Variants in FOXP2 observed in about 807,000 individuals in gnomAD.
FOXP2 encodes forkhead box protein P2.
A neutral mutation model predicts 115.8 loss-of-function variants in FOXP2; 12 were observed. The ratio of observed to expected loss-of-function variants is 0.10; its 90% CI spans 0.07 to 0.17. The LOEUF is 0.17. Ranked by LOEUF, FOXP2 falls within the 10% of genes least tolerant of loss-of-function variation. The pLI, the probability that FOXP2 is intolerant of heterozygous loss-of-function variation, is 1.00. For missense variants in FOXP2, 629 were observed against 843.5 expected, an observed-to-expected ratio of 0.75 and a Z score of 3.15; for synonymous variants, 328 against 297.7, an observed-to-expected ratio of 1.10 and a Z score of -1.05.
chr7:114,087,557 C>G (rs1271954841), upstream of FOXP2, among the ~76,000 whole-genome samples: 1 of 151,052 alleles, frequency 6.6e-6, no homozygotes, highest in Non-Finnish European at 1.5e-5. Flanking sequence ...ACAGTGGCCC[C>G]GGCGGGCAGG....
intron 2 of FOXP2, among the ~76,000 whole-genome samples, chr7:114,397,982 G>A (rs1371547737): frequency 6.7e-6 from 1 of 149,950 alleles, no homozygotes; most frequent in African/African-American, 2.4e-5. Flanking sequence ...CGAAGATTAA[G>A]TTTTTTTTTT....
At chr7:114,676,047 C>A (rs12705976) in intron 16 of FOXP2, among the ~76,000 whole-genome samples, 1 of 147,080 alleles carries the variant, frequency 6.8e-6, no homozygotes, top group Non-Finnish European at 1.5e-5. Context: ...GTAGCTGGGA[C>A]TACAGATATA....
chr7:114,623,743 A>G (rs1375742050), intron 3 of FOXP2, among the ~76,000 whole-genome samples: 1 of 151,962 alleles, frequency 6.6e-6, no homozygotes, highest in Non-Finnish European at 1.5e-5. Context: ...TATCAAGGTA[A>G]CTAAATGAAT....
At chr7:114,565,500 A>T (rs1259301367) in intron 3 of FOXP2, among the ~76,000 whole-genome samples, 1 of 152,148 alleles carries the variant, frequency 6.6e-6, no homozygotes, top group Non-Finnish European at 1.5e-5. Context: ...GCTATACCAG[A>T]TCTTATGAAT....
intron 2 of FOXP2, among the ~76,000 whole-genome samples, chr7:114,406,258 A>G (rs1793034731): frequency 6.6e-6 from 1 of 151,974 alleles, no homozygotes; most frequent in African/African-American, 2.4e-5. Flanking sequence ...TGTGCTAGAA[A>G]AAAACATATT....
chr7:114,097,269 A>G (rs1246265169), intron 1 of FOXP2, among the ~76,000 whole-genome samples: 1 of 152,196 alleles, frequency 6.6e-6, no homozygotes, highest in Non-Finnish European at 1.5e-5. Flanking sequence ...AGATTTCTTC[A>G]TAGGGATTTT....
chr7:114,343,521 G>GT (rs1279794813), intron 2 of FOXP2, among the ~76,000 whole-genome samples: 4 of 151,514 alleles, frequency 2.6e-5, no homozygotes, highest in Non-Finnish European at 5.9e-5. Context: ...TCCTTACATT[G>GT]TTTAATAAGT....
intron 2 of FOXP2, among the ~76,000 whole-genome samples, chr7:114,521,532 CAAAAAA>C (rs34666914): frequency 1.2e-5 from 1 of 82,082 alleles, no homozygotes; most frequent in Non-Finnish European, 2.3e-5. Flanking sequence ...GACACTGTCT[CAAAAAA>C]AAAAAAAAAA....
intron 2 of FOXP2, among the ~76,000 whole-genome samples, chr7:114,438,743 A>C (rs1794463184): frequency 6.6e-6 from 1 of 152,134 alleles, no homozygotes; most frequent in Non-Finnish European, 1.5e-5. Flanking sequence ...AGAATAAAAA[A>C]TGAATTTACG....
chr7:114,147,039 C>G (rs541785819), intron 1 of FOXP2, among the ~76,000 whole-genome samples: 1 of 152,232 alleles, frequency 6.6e-6, no homozygotes, highest in South Asian at 2.1e-4. Flanking sequence ...CTTGAATACT[C>G]AGAAATTACA....
intron 1 of FOXP2, among the ~76,000 whole-genome samples, chr7:114,212,437 C>G (rs1394872363): frequency 6.6e-6 from 1 of 151,650 alleles, no homozygotes; most frequent in Non-Finnish European, 1.5e-5. Flanking sequence ...GTTTTTTACC[C>G]TCACAGATGA....
chr7:114,458,778 C>A (rs1795434330), intron 2 of FOXP2, among the ~76,000 whole-genome samples: 1 of 152,052 alleles, frequency 6.6e-6, no homozygotes, highest in Non-Finnish European at 1.5e-5. Flanking sequence ...CTTGATGCTT[C>A]CAAATTGCTT....
chr7:114,676,075 A>ATTTTTTTTTTTTTTTTTTT (rs11327459), intron 16 of FOXP2, among the ~76,000 whole-genome samples: 12 of 89,564 alleles, frequency 1.3e-4, no homozygotes, highest in Non-Finnish European at 1.8e-4. Context: ...AGGCCCGGCT[A>ATTTTTTTTTTTTTTTTTTT]TTTTTTTTTT....
At chr7:114,629,742 TA>T in intron 4 of FOXP2, 62 bp from the exon 5 acceptor site, 1 of 1,611,000 alleles carries the variant, frequency 6.2e-7, no homozygotes, top group Non-Finnish European at 8.5e-7. Context: ...TAGAAGAGTT[TA>T]GGAGATTTAT....
At chr7:114,394,977 GATAGTAC>G (rs1175280456) in intron 2 of FOXP2, among the ~76,000 whole-genome samples, 1 of 148,078 alleles carries the variant, frequency 6.8e-6, no homozygotes, top group Non-Finnish European at 1.5e-5. Flanking sequence ...TCCAGATTTT[GATAGTAC>G]CATGGTGATG....
chr7:114,122,768 C>A (rs1486861172), intron 1 of FOXP2, among the ~76,000 whole-genome samples: 1 of 151,856 alleles, frequency 6.6e-6, no homozygotes, highest in Non-Finnish European at 1.5e-5. Context: ...GATCTAAGAC[C>A]TTTTGTATGC....
intron 2 of FOXP2, among the ~76,000 whole-genome samples, chr7:114,461,283 T>C (rs1795547556): frequency 6.6e-6 from 1 of 152,228 alleles, no homozygotes; most frequent in African/African-American, 2.4e-5. Context: ...ATATTTAGCT[T>C]CTGATAATAA....
intron 2 of FOXP2, among the ~76,000 whole-genome samples, chr7:114,448,404 G>T (rs767720297): frequency 6.6e-6 from 1 of 152,028 alleles, no homozygotes; most frequent in Non-Finnish European, 1.5e-5. Flanking sequence ...TACCTGGGGC[G>T]CAGGCAGACT....
intron 2 of FOXP2, among the ~76,000 whole-genome samples, chr7:114,504,912 T>C (rs1379173823): frequency 1.3e-5 from 2 of 151,644 alleles, no homozygotes; most frequent in Non-Finnish European, 3.0e-5. Flanking sequence ...TTGACTTTAG[T>C]GCTTTTTCAC....
Sources: gnomAD v4.1 joint callset for allele counts (sites outside exome capture counted in the v4.1 genomes callset) on GRCh38, gnomAD v4.1.1 for gene constraint, MANE v1.5 for transcripts, NCBI Gene and HGNC (gene_info 2026-07-23, HGNC 2026-07-21) for gene names.